The following NUP188 variants were observed in gnomAD, a reference collection of about 807,000 sequenced individuals.
The protein encoded by NUP188 is nucleoporin NUP188.
A neutral mutation model predicts 223.0 loss-of-function variants in NUP188; 97 were observed. The ratio of observed to expected loss-of-function variants is 0.43; its 90% confidence interval spans 0.37 to 0.51. The LOEUF (loss-of-function observed/expected upper bound fraction) is 0.51, where lower values mean the gene tolerates loss of function less well. NUP188 is among the 20% of genes least tolerant of loss of function. The pLI, the probability that NUP188 is intolerant of heterozygous loss-of-function variation, is 0.00. For missense variants in NUP188, 1,947 were observed against 2,175.6 expected (o/e 0.89, Z 2.09); for synonymous variants, 869 against 828.0 (o/e 1.05, Z -0.85).
chr9:129,002,834 G>A lies in NUP188; in HGVS notation c.4155G>A (p.Arg1385=), dbSNP rs765059253. 2 of 1,614,112 alleles carry A rather than the reference G, an allele frequency of 1.2e-6. No individual in the cohort carries two copies. The highest frequency in any genetic ancestry group is 1.7e-5 in the Admixed American group (1 of 60,018). ...NGTAQTPSAS[R]KSLDAPSWPG... is the part of the protein sequence containing the mutation. ...TATCTTAGACACCTAGTGCCTCTCG[G>A]AAGTCCCTGGATGCCCCCTCTTGGC... Residue 1385 remains arginine (R), a synonymous_variant, in exon 37 of 44, where the codon CGG becomes CGA. Coordinates refer to ENST00000372577, the MANE Select transcript of NUP188 (RefSeq NM_015354.3).
chr9:128,962,228 C>G (rs1841965536), intron 8 of NUP188, among the ~76,000 whole-genome samples: 1 of 151,656 alleles, frequency 6.6e-6, no homozygotes, highest in Non-Finnish European at 1.5e-5. Context: ...AGCCATTGCA[C>G]CTGACCAACA....
chr9:128,974,960 C>T lies in NUP188; in HGVS notation c.1203+1711C>T, dbSNP rs998681793. 8.6e-5 allele frequency among the ~76,000 whole-genome samples: 13 copies of T among 151,446 alleles called. No individual in the cohort carries two copies. In the East Asian group the frequency reaches 2.2e-3, roughly 25 times the overall value. ...TTTTCTTGAAGAGATGGAGTTTTGCCATGTTGGCCAGGCTGGTCCCGAACT... is the reference window on the plus strand; with the variant it reads ...TTTTCTTGAAGAGATGGAGTTTTGCTATGTTGGCCAGGCTGGTCCCGAACT... On this transcript the variant is annotated intron_variant, in intron 12 of 43. Transcript: ENST00000372577.
chr9:128,995,980 AG>A (rs1842517775), intron 30 of NUP188, among the ~76,000 whole-genome samples: 1 of 152,202 alleles, frequency 6.6e-6, no homozygotes, highest in Admixed American at 6.5e-5. Flanking sequence ...TCTTAGAAAA[AG>A]AACAGAGGCC....
intron 10 of NUP188, 120 bp downstream of exon 10, chr9:128,969,634 G>A: frequency 1.8e-6 from 1 of 556,476 alleles, no homozygotes; most frequent in Non-Finnish European, 3.1e-6. Flanking sequence ...TGATGCAGAG[G>A]TTCTACAATG....
intron 32 of NUP188, 57 bp downstream of exon 32, chr9:128,998,680 C>T: frequency 7.2e-7 from 1 of 1,380,542 alleles, no homozygotes. Flanking sequence ...TCAGTGCCTG[C>T]TTGCCTTCCT....
At chr9:128,958,112 C>G in intron 6 of NUP188, 58 bp downstream of exon 6, 1 of 1,380,982 alleles carries the variant, frequency 7.2e-7, no homozygotes, top group South Asian at 1.2e-5. Flanking sequence ...AGCTTCTTGA[C>G]CTCATTTTCC....
At chr9:128,974,948 A>G (rs866492110) in intron 12 of NUP188, among the ~76,000 whole-genome samples, 14 of 151,424 alleles carry the variant, frequency 9.2e-5, no homozygotes, top group Middle Eastern at 3.4e-3. Flanking sequence ...TCTTGAAGAG[A>G]TGGAGTTTTG....
rs1842606473 is a variant in NUP188 at position 128,999,748 on chromosome 9, G to C, written c.3786G>C (p.Lys1262Asn). The change falls in exon 34 of 44, where the codon AAG (lysine) becomes AAC (asparagine). Residue 1262 changes from lysine to asparagine, a missense_variant. This residue lies in a region of NUP188 where 905 missense variants were observed against 990.6 expected (regional missense o/e 0.91). Coordinates refer to ENST00000372577, the MANE Select transcript of NUP188 (RefSeq NM_015354.3). ...SLALGSATED[K>N]DSMETDDCSR... ...CATTAGGCAGTGCCACAGAGGACAA[G>C]GACAGCATGGAGACTGACGACTGTT... The C allele has an allele frequency of 6.2e-7, 1 of 1,614,134 alleles. No individual in the cohort carries two copies. Among genetic ancestry groups the C allele is most frequent in the African/African-American group, 1.3e-5 (1 of 74,946 alleles).
In NUP188 at chr9:128,968,512, C is replaced by T. The variant is rs17507964; in HGVS notation, c.592C>T (p.Arg198Cys). The change falls in exon 9 of 44, where the codon CGC becomes TGC. Residue 198 changes from arginine to cysteine, a missense_variant. Arg to Cys is a radical substitution (Grantham distance 180, BLOSUM62 -3). This residue lies in a region of NUP188 where 817 missense variants were observed against 865.8 expected (regional missense o/e 0.94). Transcript: ENST00000372577. The stretch of plus-strand genomic sequence containing the variant: ...GTTTTCATTGGTTGTACAGACAGAG[C>T]GCCAAGTGTCTCGCTGGTTTGTTCA... ...WETHGNLMTE[R>C]QVSRWFVQCL... 6.8e-6 allele frequency: 11 copies of T among 1,613,406 alleles called. No homozygotes were observed. Among genetic ancestry groups the T allele is most frequent in the Admixed American group, 1.7e-5 (1 of 59,974 alleles).
At chr9:128,958,708 C>T in intron 6 of NUP188, 94 bp from the exon 7 acceptor site, 3 of 578,592 alleles carry the variant, frequency 5.2e-6, no homozygotes, top group East Asian at 2.8e-5. Context: ...TGAACTTTTC[C>T]ATCCACATCT....
At chr9:128,987,006 G>T in intron 22 of NUP188, 131 bp downstream of exon 22, 1 of 684,758 alleles carries the variant, frequency 1.5e-6, no homozygotes, top group Non-Finnish European at 2.5e-6. Context: ...TCTTGAGGTT[G>T]TTAGTTGCTT....
chr9:128,961,755 G>A lies in NUP188; in HGVS notation c.585+2621G>A, dbSNP rs570461047. 3.8e-4 allele frequency among the ~76,000 whole-genome samples: 57 copies of A among 150,906 alleles called. 1 individual carries two copies. In the South Asian group the frequency reaches 0.012, roughly 31 times the overall value. ...TCCTGCCTCAGCTTCCTGAGTAGCT[G>A]GGATTACAGGCATGTGCTACCACGC... On this transcript the variant is annotated intron_variant, in intron 8 of 43. Transcript: ENST00000372577.
chr9:129,005,111 A>G (rs1842756971), intron 38 of NUP188, 36 bp from the exon 39 acceptor site: 1 of 1,565,534 alleles, frequency 6.4e-7, no homozygotes, highest in Non-Finnish European at 8.8e-7. Context: ...GGCTGCTGAC[A>G]AGAGAATCCG....
chr9:128,999,384 C>T, intron 33 of NUP188, 67 bp downstream of exon 33: 2 of 1,566,388 alleles, frequency 1.3e-6, no homozygotes, highest in South Asian at 1.2e-5. Context: ...CCAGGCAGGG[C>T]TTCCTTCAGC....
At chr9:128,986,063 A>T (rs1842329248) in intron 20 of NUP188, among the ~76,000 whole-genome samples, 1 of 152,130 alleles carries the variant, frequency 6.6e-6, no homozygotes, top group Non-Finnish European at 1.5e-5. Flanking sequence ...AAGATTGCAT[A>T]TAGAGATAGG....
chr9:128,956,212 C>CGT (rs1206523866), intron 3 of NUP188, 138 bp from the exon 4 acceptor site: 9 of 348,278 alleles, frequency 2.6e-5, no homozygotes, highest in East Asian at 6.5e-5. Context: ...TGTGTGTGTG[C>CGT]GTGTGTGTGT....
At chr9:128,978,422 G>A (rs918995339) in intron 12 of NUP188, among the ~76,000 whole-genome samples, 2 of 151,602 alleles carry the variant, frequency 1.3e-5, no homozygotes, top group African/African-American at 4.8e-5. Context: ...AATTAGCTGG[G>A]CGTGGTGGCA....
chr9:128,952,203 CT>C (rs1343616391), intron 2 of NUP188, among the ~76,000 whole-genome samples: 1 of 151,978 alleles, frequency 6.6e-6, no homozygotes, highest in East Asian at 1.9e-4. Flanking sequence ...TCAAGACCAG[CT>C]TGGACAATAT....
In NUP188 at chr9:128,980,629, C is replaced by T. The variant is rs766804228; in HGVS notation, c.1293C>T (p.Ile431=). 12 of 1,612,652 alleles carry T rather than the reference C, an allele frequency of 7.4e-6. No individual in the cohort carries two copies. In the African/African-American group the frequency reaches 1.6e-4, roughly 22 times the overall value. The change falls in exon 14 of 44, where the codon ATC becomes ATT. Residue 431 remains isoleucine, a synonymous_variant. Coordinates refer to ENST00000372577, the MANE Select transcript of NUP188 (RefSeq NM_015354.3). The stretch of plus-strand genomic sequence containing the variant: ...AGGAGCCAACTTCTGGCCTTGGGAT[C>T]ATTCTGGACAGTGTGTGTGGAATGT... ...WGTEPTSGLG[I]ILDSVCGMFP...
Sources: allele counts gnomAD v4.1 joint callset (sites outside exome capture counted in the v4.1 genomes callset), GRCh38; gene constraint gnomAD v4.1.1; regional missense constraint gnomAD v4.1.1; transcripts MANE v1.5; gene names NCBI Gene and HGNC (gene_info 2026-07-23, HGNC 2026-07-21).